The following CDH18 variants were observed in gnomAD, a reference collection of about 807,000 sequenced individuals.
The protein encoded by CDH18 is cadherin 18, also known as cadherin-18.
A neutral mutation model predicts 67.9 loss-of-function variants in CDH18; 31 were observed. The ratio of observed to expected loss-of-function variants is 0.46; its 90% CI spans 0.34 to 0.62. The LOEUF (loss-of-function observed/expected upper bound fraction) is 0.62. CDH18 is among the 20% of genes least tolerant of loss of function. CDH18 has a pLI of 0.01. For synonymous variants in CDH18, 362 were observed against 347.2 expected (o/e 1.04, Z -0.48); for missense variants, 890 against 975.5 (o/e 0.91, Z 1.17).
chr5:19,891,903 G>A (rs947596564), intron 2 of CDH18, among the ~76,000 whole-genome samples: 2 of 152,138 alleles, frequency 1.3e-5, no homozygotes, highest in Admixed American at 6.6e-5. Context: ...AGGACACTTC[G>A]AGAAACAAAG....
At chr5:20,499,850 TGACA>T (rs1754144308) in intron 1 of CDH18, among the ~76,000 whole-genome samples, 1 of 152,172 alleles carries the variant, frequency 6.6e-6, no homozygotes, top group South Asian at 2.1e-4. Flanking sequence ...TGCTGTATAC[TGACA>T]AATTGCCATT....
intron 3 of CDH18, among the ~76,000 whole-genome samples, chr5:19,777,334 T>C (rs1183545870): frequency 1.3e-5 from 2 of 152,174 alleles, no homozygotes. Flanking sequence ...AGTTTATATG[T>C]ATTCCTGAAT....
chr5:20,256,844 A>C (rs1421259238), intron 1 of CDH18, among the ~76,000 whole-genome samples: 1 of 152,020 alleles, frequency 6.6e-6, no homozygotes, highest in East Asian at 1.9e-4. Flanking sequence ...GAAATGAGAA[A>C]TAGCAATCAC....
intron 1 of CDH18, among the ~76,000 whole-genome samples, chr5:20,422,184 T>C (rs1747919579): frequency 6.7e-6 from 1 of 148,406 alleles, no homozygotes; most frequent in Non-Finnish European, 1.5e-5. Flanking sequence ...TTAGTTATAG[T>C]CAAACTTGAT....
At chr5:20,418,969 G>A (rs949029283) in intron 1 of CDH18, among the ~76,000 whole-genome samples, 1 of 151,986 alleles carries the variant, frequency 6.6e-6, no homozygotes, top group African/African-American at 2.4e-5. Context: ...AGAGCAAGAG[G>A]TTGGTACTGC....
At chr5:19,873,191 A>T (rs1395616354) in intron 2 of CDH18, among the ~76,000 whole-genome samples, 1 of 147,294 alleles carries the variant, frequency 6.8e-6, no homozygotes, top group Non-Finnish European at 1.5e-5. Flanking sequence ...AAATTCAGGT[A>T]ATTATCTTCT....
chr5:20,329,768 C>CA (rs60246535), intron 1 of CDH18, among the ~76,000 whole-genome samples: 26,284 of 62,472 alleles, frequency 0.42, 8,098 homozygotes, highest in Middle Eastern at 0.5. Context: ...GAAACTCCAT[C>CA]AAAAAAAAAA....
At chr5:20,503,739 G>T (rs1438762963) in intron 1 of CDH18, among the ~76,000 whole-genome samples, 1 of 152,068 alleles carries the variant, frequency 6.6e-6, no homozygotes, top group East Asian at 1.9e-4. Context: ...ATGTGCATAG[G>T]CAAGAGAAAG....
chr5:20,283,962 G>C (rs1746486033), intron 1 of CDH18, among the ~76,000 whole-genome samples: 2 of 152,000 alleles, frequency 1.3e-5, no homozygotes, highest in Non-Finnish European at 2.9e-5. Flanking sequence ...GATGGAACTA[G>C]AGATCATTAT....
intron 1 of CDH18, among the ~76,000 whole-genome samples, chr5:20,523,221 C>T (rs1755850743): frequency 6.6e-6 from 1 of 152,130 alleles, no homozygotes. Context: ...TTTCTGAAAG[C>T]AAGTTTGCTC....
intron 1 of CDH18, among the ~76,000 whole-genome samples, chr5:20,516,079 C>T (rs1177300101): frequency 1.3e-5 from 2 of 151,914 alleles, no homozygotes; most frequent in Non-Finnish European, 2.9e-5. Flanking sequence ...TATGGGATAT[C>T]ATTAAAATGG....
chr5:19,617,977 T>C (rs1750101912), intron 5 of CDH18, among the ~76,000 whole-genome samples: 1 of 152,198 alleles, frequency 6.6e-6, no homozygotes, highest in Non-Finnish European at 1.5e-5. Context: ...TTTTCTTGCA[T>C]TTTTACCCAC....
intron 4 of CDH18, among the ~76,000 whole-genome samples, chr5:19,746,405 C>T (rs543927503): frequency 5.9e-5 from 9 of 152,244 alleles, no homozygotes; most frequent in South Asian, 2.1e-4. Flanking sequence ...AAATACTTCA[C>T]GGGGCTGTCA....
At chr5:19,743,080 C>T (rs1769445731) in intron 4 of CDH18, among the ~76,000 whole-genome samples, 1 of 152,174 alleles carries the variant, frequency 6.6e-6, no homozygotes, top group Non-Finnish European at 1.5e-5. Flanking sequence ...ATCTTCTGTG[C>T]ATGTACATGC....
chr5:20,286,354 T>C (rs770777187), intron 1 of CDH18, among the ~76,000 whole-genome samples: 1 of 151,670 alleles, frequency 6.6e-6, no homozygotes, highest in Non-Finnish European at 1.5e-5. Flanking sequence ...CTACTTATAA[T>C]AATAGCTAAA....
intron 6 of CDH18, among the ~76,000 whole-genome samples, chr5:19,607,515 G>A (rs1352227072): frequency 1.3e-5 from 2 of 151,010 alleles, no homozygotes; most frequent in East Asian, 1.9e-4. Context: ...TTTTTAAAAA[G>A]TGAATGGAGG....
intron 1 of CDH18, among the ~76,000 whole-genome samples, chr5:20,571,552 G>T (rs1314084212): frequency 1.3e-5 from 2 of 152,006 alleles, no homozygotes; most frequent in African/African-American, 2.4e-5. Flanking sequence ...AGAACTTTGT[G>T]TATTGTATAT....
chr5:19,684,615 TTA>T (rs1269999691), intron 5 of CDH18, among the ~76,000 whole-genome samples: 2 of 151,796 alleles, frequency 1.3e-5, no homozygotes, highest in African/African-American at 2.4e-5. Context: ...TCTACATTTT[TTA>T]GATTTTCTTC....
intron 2 of CDH18, among the ~76,000 whole-genome samples, chr5:20,238,550 C>T (rs1272282755): frequency 1.3e-5 from 2 of 152,014 alleles, no homozygotes; most frequent in Non-Finnish European, 2.9e-5. Context: ...AAAGATCTAA[C>T]ATACCAAGTT....
Sources: gnomAD v4.1 joint callset for allele counts (sites outside exome capture counted in the v4.1 genomes callset) on GRCh38, gnomAD v4.1.1 for gene constraint, MANE v1.5 for transcripts, NCBI Gene and HGNC (gene_info 2026-07-23, HGNC 2026-07-21) for gene names.